Variants in HUNK observed in about 807,000 individuals in gnomAD.
HUNK encodes hormonally up-regulated neu tumor-associated kinase.
Under a neutral mutation model 61.0 loss-of-function variants are expected in HUNK, and 21 were observed. The ratio of observed to expected loss-of-function variants is 0.34; its 90% CI spans 0.24 to 0.50. HUNK has a LOEUF of 0.50. Among genes scored for constraint, HUNK ranks in the 20% least tolerant of loss-of-function variants. The pLI, the probability that HUNK is intolerant of heterozygous loss-of-function variation, is 0.98. For missense variants in HUNK, 772 were observed against 945.7 expected, an observed-to-expected ratio of 0.82 and a Z score of 2.41; for synonymous variants, 371 against 386.1, an observed-to-expected ratio of 0.96 and a Z score of 0.46.
rs547122901 is a variant in HUNK at position 31,980,791 on chromosome 21, G to A, written c.1174-2735G>A. Among the ~76,000 whole-genome samples, 7 of 152,040 alleles carry A rather than the reference G, an allele frequency of 4.6e-5. No individual in the cohort carries two copies. The South Asian group carries it at 6.2e-4, about 14-fold the overall frequency. On this transcript the variant is annotated intron_variant, in intron 7 of 10. Transcript: ENST00000270112. ...GAGATCTCCATTCATCGCAACCTCCGTCTCCCAGGTTCAAGCGATTCTCCT... is the reference window on the plus strand; with the variant it reads ...GAGATCTCCATTCATCGCAACCTCCATCTCCCAGGTTCAAGCGATTCTCCT...
At chr21:31,901,966 T>G (rs2052471141) in intron 1 of HUNK, among the ~76,000 whole-genome samples, 1 of 152,112 alleles carries the variant, frequency 6.6e-6, no homozygotes. Flanking sequence ...GTCACATCCA[T>G]GCCTGACCAT....
chr21:31,934,316 G>A (rs971248193), intron 2 of HUNK, among the ~76,000 whole-genome samples: 12 of 151,510 alleles, frequency 7.9e-5, no homozygotes, highest in East Asian at 1.9e-4. Context: ...GGTGGCGGGC[G>A]CCTGTAGTCC....
intron 4 of HUNK, among the ~76,000 whole-genome samples, chr21:31,952,355 A>G (rs2052856190): frequency 6.6e-6 from 1 of 152,210 alleles, no homozygotes; most frequent in African/African-American, 2.4e-5. Flanking sequence ...GCCACACAGA[A>G]GCAAGGTGCA....
At chr21:31,940,265 T>C in intron 3 of HUNK, 45 bp downstream of exon 3, 2 of 1,259,462 alleles carry the variant, frequency 1.6e-6, no homozygotes, top group Admixed American at 2.0e-5. Context: ...TTTTAAGTGT[T>C]GTGTTGTCAG....
intron 4 of HUNK, among the ~76,000 whole-genome samples, chr21:31,953,296 G>A (rs963463599): frequency 3.3e-5 from 5 of 149,874 alleles, no homozygotes; most frequent in East Asian, 2.0e-4. Context: ...AGGCAATGGC[G>A]CAATCTCTGC....
chr21:31,915,621 G>C (rs1368158548), intron 1 of HUNK, among the ~76,000 whole-genome samples: 1 of 152,098 alleles, frequency 6.6e-6, no homozygotes, highest in African/African-American at 2.4e-5. Flanking sequence ...TCTCATTTTG[G>C]AGATTGGATA....
At chr21:31,887,487 C>G (rs2123790930) in intron 1 of HUNK, among the ~76,000 whole-genome samples, 1 of 152,290 alleles carries the variant, frequency 6.6e-6, no homozygotes, top group East Asian at 1.9e-4. Context: ...CCATTTGATT[C>G]ATTCTGGGCT....
At chr21:31,987,823 C>T (rs1187726508) in intron 8 of HUNK, among the ~76,000 whole-genome samples, 1 of 152,194 alleles carries the variant, frequency 6.6e-6, no homozygotes, top group African/African-American at 2.4e-5. Context: ...AAAGTCCATT[C>T]GGAGCCAGAG....
intron 1 of HUNK, among the ~76,000 whole-genome samples, chr21:31,876,353 C>G (rs987105334): frequency 1.3e-5 from 2 of 152,204 alleles, no homozygotes; most frequent in African/African-American, 4.8e-5. Context: ...TTAGTTCACT[C>G]AATTGCTGGC....
chr21:32,000,672 A>G lies in HUNK; in HGVS notation c.*1488A>G. 2.5e-6 allele frequency: 1 copy of G among 398,936 alleles called. No individual in the cohort carries two copies. Among genetic ancestry groups the G allele is most frequent in the Non-Finnish European group, 4.4e-6 (1 of 226,104 alleles). 24.7% of individuals were successfully genotyped at this position (398,936 alleles called of 1,614,324 possible). On this transcript the variant is annotated 3_prime_UTR_variant, in exon 11 of 11. Transcript: ENST00000270112. Reference sequence around the variant, plus strand: ...ATAGTCATCTCAGTCCAAGGATCCCAAAACACAAATCTAGAATTGCAAAGC... The same window carrying G: ...ATAGTCATCTCAGTCCAAGGATCCCGAAACACAAATCTAGAATTGCAAAGC...
intron 4 of HUNK, among the ~76,000 whole-genome samples, chr21:31,947,300 C>T (rs1007591589): frequency 2.8e-5 from 4 of 143,142 alleles, no homozygotes; most frequent in Non-Finnish European, 6.1e-5. Context: ...AAGCCAGTGG[C>T]GCCTGCGCAT....
At chr21:31,930,176 C>T (rs2123820237) in intron 2 of HUNK, among the ~76,000 whole-genome samples, 1 of 152,332 alleles carries the variant, frequency 6.6e-6, no homozygotes, top group Admixed American at 6.5e-5. Flanking sequence ...GGTTTGACCA[C>T]TCGAAAGTGG....
intron 7 of HUNK, among the ~76,000 whole-genome samples, chr21:31,982,244 A>G (rs2053102839): frequency 6.6e-6 from 1 of 152,130 alleles, no homozygotes; most frequent in Non-Finnish European, 1.5e-5. Flanking sequence ...GAGTTTTATG[A>G]TGTCTGTTTC....
At chr21:31,895,506 T>C (rs2052418714) in intron 1 of HUNK, among the ~76,000 whole-genome samples, 1 of 152,062 alleles carries the variant, frequency 6.6e-6, no homozygotes, top group African/African-American at 2.4e-5. Context: ...GGAACAGAGA[T>C]TTTTCTTTTC....
chr21:31,978,220 A>G (rs2053064427), intron 7 of HUNK, among the ~76,000 whole-genome samples: 1 of 152,224 alleles, frequency 6.6e-6, no homozygotes, highest in Non-Finnish European at 1.5e-5. Context: ...AAAATGGTAT[A>G]TATTTATCCT....
rs1170137267 is a variant in HUNK, at chr21:32,003,812, G to A, written c.*4628G>A. ...GGGCACTAAGGGACTGAGGTTGGGG[G>A]AGAAAGCTGAGGAGGCTTTGGAAGA... On this transcript the variant is annotated 3_prime_UTR_variant, in exon 11 of 11. Transcript: ENST00000270112. 6.6e-6 allele frequency: 1 copy of A among 152,256 alleles called. No homozygotes were observed. The highest frequency in any genetic ancestry group is 1.5e-5 in the Non-Finnish European group (1 of 68,066). 9.4% of individuals were successfully genotyped at this position (152,256 alleles called of 1,614,324 possible). A position where few individuals can be genotyped will look rare whatever the true frequency, so the allele number is the denominator to read the frequency against.
intron 2 of HUNK, among the ~76,000 whole-genome samples, chr21:31,930,624 A>G (rs2052690018): frequency 6.6e-6 from 1 of 152,232 alleles, no homozygotes; most frequent in Non-Finnish European, 1.5e-5. Flanking sequence ...TGCACAGGCC[A>G]TAGCTTAGCC....
intron 1 of HUNK, among the ~76,000 whole-genome samples, chr21:31,889,246 T>G (rs73361243): frequency 0.033 from 4,977 of 152,276 alleles, 267 homozygotes; most frequent in African/African-American, 0.11. Context: ...AAGCCATTGC[T>G]TAGTCCCCGG....
chr21:31,958,984 T>C lies in HUNK; in HGVS notation c.874+14T>C, dbSNP rs374740388. 5 of 1,590,046 alleles carry C rather than the reference T, an allele frequency of 3.1e-6. No homozygotes were observed. The highest frequency in any genetic ancestry group is 3.4e-4 in the Middle Eastern group (2 of 5,910). On this transcript the variant is annotated intron_variant, in intron 5 of 10. Coordinates refer to ENST00000270112, the MANE Select transcript of HUNK (RefSeq NM_014586.2). ...AGCTCTCCACAGGTAATGCACCAGCTGCTCTAGATCACGGTTCAGGACTGC... is the reference window on the plus strand; with the variant it reads ...AGCTCTCCACAGGTAATGCACCAGCCGCTCTAGATCACGGTTCAGGACTGC...
Sources: gnomAD v4.1 joint callset for allele counts (sites outside exome capture counted in the v4.1 genomes callset) on GRCh38, gnomAD v4.1.1 for gene constraint, MANE v1.5 for transcripts, NCBI Gene and HGNC (gene_info 2026-07-23, HGNC 2026-07-21) for gene names.